MICAL3: variants seen among roughly 807,000 people sequenced by gnomAD.
The protein encoded by MICAL3 is [F-actin]-monooxygenase MICAL3.
In MICAL3, 62 loss-of-function variants were observed where a neutral mutation model predicts 207.4. The observed-to-expected ratio is 0.30, with a 90% CI of 0.24 to 0.37. The LOEUF (loss-of-function observed/expected upper bound fraction) is 0.37. Ranked by LOEUF, MICAL3 falls within the 10% of genes least tolerant of loss-of-function variation. The pLI is 1.00. For missense variants in MICAL3, 2,368 were observed against 2,635.6 expected (o/e 0.90, Z 2.22); for synonymous variants, 1,077 against 1,069.3 (o/e 1.01, Z -0.14).
chr22:17,843,632 A>C (rs7291292), intron 19 of MICAL3, among the ~76,000 whole-genome samples: 22,458 of 152,172 alleles, frequency 0.15, 2,219 homozygotes, highest in Non-Finnish European at 0.22. Flanking sequence ...CCTGCACCCC[A>C]CACACACGGT....
intron 16 of MICAL3, among the ~76,000 whole-genome samples, chr22:17,874,498 C>G (rs1046848316): frequency 6.6e-6 from 1 of 152,068 alleles, no homozygotes; most frequent in African/African-American, 2.4e-5. Context: ...CTGAACTAAA[C>G]CATCTGGGTT....
chr22:17,929,574 T>C (rs1487454122), intron 1 of MICAL3, among the ~76,000 whole-genome samples: 19 of 136,080 alleles, frequency 1.4e-4, no homozygotes, highest in African/African-American at 5.2e-4. Context: ...TTTTCTTTTT[T>C]TTTTTTTTTT....
At chr22:17,883,668 C>T (rs891390786) in intron 16 of MICAL3, among the ~76,000 whole-genome samples, 1 of 152,120 alleles carries the variant, frequency 6.6e-6, no homozygotes, top group Non-Finnish European at 1.5e-5. Flanking sequence ...CATCACCTGC[C>T]CTATTCTGTA....
At chr22:17,801,433 G>A (rs1419342957) in intron 29 of MICAL3, among the ~76,000 whole-genome samples, 1 of 49,946 alleles carries the variant, frequency 2.0e-5, no homozygotes, top group East Asian at 5.9e-4. Flanking sequence ...GATTACAGGC[G>A]TGAGCCACCG....
In MICAL3 at chr22:17,817,560, A is replaced by G; in HGVS notation, c.5101T>C (p.Ser1701Pro). The G allele has an allele frequency of 6.2e-7, 1 of 1,613,306 alleles. No homozygotes were observed. Among genetic ancestry groups the G allele is most frequent in the Non-Finnish European group, 8.5e-7 (1 of 1,179,782 alleles). Residue 1701 changes from serine (S) to proline (P), a missense_variant, in exon 26 of 32, where the codon TCA becomes CCA. Physicochemically the swap from Ser to Pro is moderately conservative, Grantham distance 74 (BLOSUM62 -1). Around this residue, in one of 4 missense-constraint regions of MICAL3, gnomAD observed 1,770 missense variants for 1,863.2 expected, o/e 0.95. Transcript: ENST00000441493. ...TTGTTTCTGCGGGGGGAGAAGAGTG[A>G]CGACCTCTTCTTGCTCTTCCCACTG... The part of the protein sequence containing the change: ...GSSGKSKKRS[S>P]LFSPRRNKKE...
chr22:17,904,843 A>C lies in MICAL3; in HGVS notation c.265-4T>G, dbSNP rs181041583. On this transcript the variant is annotated splice_region_variant and splice_polypyrimidine_tract_variant and intron_variant, in intron 2 of 31. Transcript: ENST00000441493. ...GGCCAGCCCCAATGATGAGACACTG[A>C]AAAACACAGCTGCTTTCAGGGCAGG... is the stretch of plus-strand genomic sequence containing the variant. 4.3e-6 allele frequency: 7 copies of C among 1,609,222 alleles called. No homozygotes were observed. In the East Asian group the frequency reaches 1.6e-4, roughly 36 times the overall value.
intron 16 of MICAL3, among the ~76,000 whole-genome samples, chr22:17,882,502 C>T (rs1408997249): frequency 6.6e-6 from 1 of 152,206 alleles, no homozygotes; most frequent in African/African-American, 2.4e-5. Context: ...TCCTCTGTCC[C>T]AGGCTTCTGC....
At chr22:18,008,705 G>T (rs555415436) in intron 1 of MICAL3, among the ~76,000 whole-genome samples, 7 of 152,158 alleles carry the variant, frequency 4.6e-5, no homozygotes, top group Non-Finnish European at 1.0e-4. Flanking sequence ...CTCATAGTGA[G>T]GTTTAAGAAA....
chr22:18,010,913 A>G (rs1398280842), intron 1 of MICAL3, among the ~76,000 whole-genome samples: 1 of 152,198 alleles, frequency 6.6e-6, no homozygotes, highest in Non-Finnish European at 1.5e-5. Context: ...TGGGGAAAAA[A>G]TAAACACAAT....
intron 1 of MICAL3, among the ~76,000 whole-genome samples, chr22:17,931,130 CT>C (rs1246866016): frequency 6.6e-6 from 1 of 152,218 alleles, no homozygotes; most frequent in East Asian, 1.9e-4. Flanking sequence ...CCCACACCCC[CT>C]GGTCCCCCAA....
At position 17,789,378 on chromosome 22, in the gene MICAL3, A is replaced by T. The variant is rs2061808532; in HGVS notation, c.*1354T>A. The T allele has an allele frequency of 6.6e-6, 1 of 152,204 alleles. No homozygotes were observed. The highest frequency in any genetic ancestry group is 1.5e-5 in the Non-Finnish European group (1 of 68,046). The allele number at this position is 152,204 out of a possible 1,614,324, so 9.4% of individuals were successfully genotyped here. On this transcript the variant is annotated 3_prime_UTR_variant, in exon 32 of 32. Transcript: ENST00000441493. Reference sequence around the variant, plus strand: ...GAGGGCCCATCCTGAAACCTTCTTTAACATATGTGCGGAGGAAGGTGATGC... The same window carrying T: ...GAGGGCCCATCCTGAAACCTTCTTTTACATATGTGCGGAGGAAGGTGATGC...
At chr22:17,835,283 C>T (rs112768045) in intron 20 of MICAL3, among the ~76,000 whole-genome samples, 39 of 151,320 alleles carry the variant, frequency 2.6e-4, no homozygotes, top group African/African-American at 8.4e-4. Context: ...AGAAAGCAAC[C>T]CTCACCTCCG....
chr22:17,855,442 G>T (rs950485249), intron 19 of MICAL3, among the ~76,000 whole-genome samples: 3 of 152,088 alleles, frequency 2.0e-5, no homozygotes, highest in Non-Finnish European at 2.9e-5. Context: ...AAAGCCAACA[G>T]ATTTATAAGC....
intron 20 of MICAL3, among the ~76,000 whole-genome samples, chr22:17,837,492 C>G (rs2542335): frequency 0.29 from 44,112 of 152,220 alleles, 6,479 homozygotes; most frequent in African/African-American, 0.31. Context: ...GCACCAGCTG[C>G]CTTTGCTGCC....
intron 21 of MICAL3, among the ~76,000 whole-genome samples, chr22:17,828,085 C>T (rs12157540): frequency 6.6e-6 from 1 of 152,212 alleles, no homozygotes; most frequent in Non-Finnish European, 1.5e-5. Flanking sequence ...CTCCTTTCAT[C>T]CTGAGCTGCA....
At chr22:17,922,223 T>C (rs1471398036) in intron 1 of MICAL3, among the ~76,000 whole-genome samples, 2 of 152,108 alleles carry the variant, frequency 1.3e-5, no homozygotes, top group African/African-American at 2.4e-5. Flanking sequence ...CGTTTGTGTT[T>C]GGGTCTGGCT....
At position 17,895,407 on chromosome 22, in the gene MICAL3, T is replaced by C. The variant is rs1455087879; in HGVS notation, c.1326A>G (p.Glu442=). 2 of 1,613,632 alleles carry C rather than the reference T, an allele frequency of 1.2e-6. No individual in the cohort carries two copies. The highest frequency in any genetic ancestry group is 2.2e-5 in the South Asian group (2 of 91,010). The change falls in exon 10 of 32, where the codon GAA becomes GAG. Residue 442 remains glutamate (E), a synonymous_variant. Transcript: ENST00000441493. The part of the protein sequence containing the change: ...TSPLEVLAER[E]SIYRLLPQTT... Reference sequence around the variant, plus strand: ...TCTGAGGCAGCAACCTGTAAATACTTTCCCTGCAATAACACAACAATATAC... The same window carrying C: ...TCTGAGGCAGCAACCTGTAAATACTCTCCCTGCAATAACACAACAATATAC...
chr22:17,866,238 G>C (rs976978346), intron 17 of MICAL3, among the ~76,000 whole-genome samples: 1 of 152,214 alleles, frequency 6.6e-6, no homozygotes, highest in Admixed American at 6.5e-5. Flanking sequence ...TTTTCCTTTG[G>C]GAATGTGAAG....
Position 17,819,052 on chromosome 22 carries a change from G to C in MICAL3, c.3609C>G (p.Leu1203=), listed in dbSNP as rs898785471. ...PEERLFPEPL[L]PKEKPKADAP... ...CATCAGCTTTGGGCTTCTCTTTGGGGAGCAAAGGCTCAGGGAAAAGGCGCT... is the reference window on the plus strand; with the variant it reads ...CATCAGCTTTGGGCTTCTCTTTGGGCAGCAAAGGCTCAGGGAAAAGGCGCT... The change falls in exon 26 of 32, where the codon CTC becomes CTG. Residue 1203 remains leucine, a synonymous_variant. Coordinates refer to ENST00000441493, the MANE Select transcript of MICAL3 (RefSeq NM_015241.3). The C allele has an allele frequency of 1.9e-6, 3 of 1,583,200 alleles. No individual in the cohort carries two copies. The African/African-American group carries it at 4.1e-5, about 21-fold the overall frequency.
Sources: gnomAD v4.1 joint callset for allele counts (sites outside exome capture counted in the v4.1 genomes callset) on GRCh38, gnomAD v4.1.1 for gene constraint, gnomAD v4.1.1 regional missense constraint, MANE v1.5 for transcripts, NCBI Gene and HGNC (gene_info 2026-07-23, HGNC 2026-07-21) for gene names.